Variants in KIZ observed in about 807,000 individuals in gnomAD.
KIZ encodes the protein centrosomal protein kizuna.
In KIZ, 68 loss-of-function variants were observed where a neutral mutation model predicts 79.6. The observed-to-expected ratio is 0.85, with a 90% CI of 0.70 to 1.05. The LOEUF is 1.05. KIZ is among the 50% of genes least tolerant of loss of function. KIZ has a pLI of 0.00. For missense variants in KIZ, 797 were observed against 800.4 expected (o/e 1.00, Z 0.05); for synonymous variants, 280 against 281.8 (o/e 0.99, Z 0.06).
intron 11 of KIZ, among the ~76,000 whole-genome samples, chr20:21,238,352 A>AGTGTGC (rs2037099110): frequency 6.7e-6 from 1 of 149,138 alleles, no homozygotes; most frequent in Non-Finnish European, 1.5e-5. Flanking sequence ...AGAGAGAGAG[A>AGTGTGC]GTGTGTGTGT....
At chr20:21,195,469 C>T (rs1486705355) in intron 6 of KIZ, 1 of 152,336 alleles carries the variant, frequency 6.6e-6, no homozygotes, top group Admixed American at 6.5e-5. Flanking sequence ...CTGCAGCATC[C>T]ACCAGCACCA....
chr20:21,162,075 A>G lies in KIZ; in HGVS notation c.610A>G (p.Thr204Ala). 1 of 1,613,938 alleles carries G rather than the reference A, an allele frequency of 6.2e-7. No individual in the cohort carries two copies. Among genetic ancestry groups the G allele is most frequent in the Non-Finnish European group, 8.5e-7 (1 of 1,179,840 alleles). ...HRQTAQSSNVTDSCVVQTSND... is the reference protein window; with the variant it reads ...HRQTAQSSNVADSCVVQTSND... The stretch of plus-strand genomic sequence containing the variant: ...ACAGACAGCCCAGAGCAGTAATGTG[A>G]CAGACAGCTGTGTAGTACAAACTAG... Residue 204 changes from threonine (T) to alanine (A), a missense_variant, in exon 5 of 13, where the codon ACA becomes GCA. Coordinates refer to ENST00000619189, the MANE Select transcript of KIZ (RefSeq NM_018474.6).
intron 6 of KIZ, among the ~76,000 whole-genome samples, chr20:21,188,198 T>G (rs554238303): frequency 6.6e-6 from 1 of 152,328 alleles, no homozygotes; most frequent in East Asian, 1.9e-4. Flanking sequence ...TAACCTACCC[T>G]GTTTGATTGT....
At chr20:21,173,652 T>C (rs1373326146) in intron 6 of KIZ, among the ~76,000 whole-genome samples, 1 of 142,664 alleles carries the variant, frequency 7.0e-6, no homozygotes, top group African/African-American at 2.6e-5. Flanking sequence ...AGAAAGGGAG[T>C]AGAAGGATGA....
intron 11 of KIZ, 85 bp downstream of exon 11, chr20:21,232,915 T>C: frequency 1.4e-6 from 1 of 714,858 alleles, no homozygotes; most frequent in East Asian, 2.7e-5. Flanking sequence ...CTGCGTATTA[T>C]TTTGTTGTAT....
chr20:21,161,046 T>C (rs1166485204), intron 4 of KIZ: 1 of 152,234 alleles, frequency 6.6e-6, no homozygotes, highest in Non-Finnish European at 1.5e-5. Context: ...TAAAGTGATA[T>C]CTTATTGTGC....
At chr20:21,244,453 C>T in intron 12 of KIZ, 165 bp downstream of exon 12, 1 of 624,586 alleles carries the variant, frequency 1.6e-6, no homozygotes, top group Non-Finnish European at 2.9e-6. Flanking sequence ...CTTCTGGAGG[C>T]TCAGTTCTTC....
intron 1 of KIZ, among the ~76,000 whole-genome samples, chr20:21,127,685 C>T (rs528826560): frequency 5.9e-5 from 9 of 152,312 alleles, no homozygotes; most frequent in African/African-American, 1.9e-4. Context: ...CAAATTAATG[C>T]ACACTGGACA....
rs185393919 is a variant in KIZ at position 21,131,938 on chromosome 20, A to G, written c.90-159A>G. ...TCTGGCATTTTCTGCTTCTTAGACC[A>G]GAGAAGCATTTTCACAAAGGTGTGA... On this transcript the variant is annotated intron_variant, in intron 1 of 12. Coordinates refer to ENST00000619189, the MANE Select transcript of KIZ (RefSeq NM_018474.6). The G allele has an allele frequency of 5.1e-4, 269 of 530,394 alleles. 1 individual carries two copies. Among genetic ancestry groups the G allele is most frequent in the Non-Finnish European group, 7.3e-4 (215 of 295,930 alleles). 32.9% of individuals were successfully genotyped at this position (530,394 alleles called of 1,614,324 possible). A position where few individuals can be genotyped will look rare whatever the true frequency, so the allele number is the denominator to read the frequency against.
intron 11 of KIZ, among the ~76,000 whole-genome samples, chr20:21,235,235 G>T (rs1312972483): frequency 1.3e-5 from 2 of 152,206 alleles, no homozygotes; most frequent in East Asian, 1.9e-4. Context: ...TCATTGTGAT[G>T]GTGGTGGGGT....
intron 3 of KIZ, among the ~76,000 whole-genome samples, chr20:21,141,683 T>G (rs2032538379): frequency 6.6e-6 from 1 of 151,014 alleles, no homozygotes; most frequent in Admixed American, 6.6e-5. Context: ...GGCACAAGAG[T>G]CTTCATCTGG....
In KIZ at chr20:21,162,022, T is replaced by G. The variant is rs757134694; in HGVS notation, c.557T>G (p.Phe186Cys). ...AAATCTCCCCAGCCCACAAAGAACTTTTCAATTCCTGACCCACATTCACAC... is the reference window on the plus strand; with the variant it reads ...AAATCTCCCCAGCCCACAAAGAACTGTTCAATTCCTGACCCACATTCACAC... ...EHKSPQPTKN[F>C]SIPDPHSHRQ... Residue 186 changes from phenylalanine (F) to cysteine (C), a missense_variant, in exon 5 of 13, where the codon TTT becomes TGT. By Grantham distance (205) the Phe-to-Cys change is radical (BLOSUM62 -2). Coordinates refer to ENST00000619189, the MANE Select transcript of KIZ (RefSeq NM_018474.6). 1 of 1,613,970 alleles carries G rather than the reference T, an allele frequency of 6.2e-7. No individual in the cohort carries two copies. The highest frequency in any genetic ancestry group is 1.3e-5 in the African/African-American group (1 of 75,036).
At chr20:21,239,927 T>A (rs1417035256) in intron 11 of KIZ, among the ~76,000 whole-genome samples, 2 of 152,120 alleles carry the variant, frequency 1.3e-5, no homozygotes, top group Non-Finnish European at 2.9e-5. Flanking sequence ...CCAAAATGCA[T>A]CCAAAATAAG....
intron 3 of KIZ, among the ~76,000 whole-genome samples, chr20:21,138,037 G>A (rs1050413066): frequency 6.6e-6 from 1 of 151,750 alleles, no homozygotes; most frequent in Non-Finnish European, 1.5e-5. Flanking sequence ...CTCCCAGAGT[G>A]CTGGAATTAT....
At chr20:21,134,188 A>G (rs2032028877) in intron 2 of KIZ, among the ~76,000 whole-genome samples, 1 of 152,264 alleles carries the variant, frequency 6.6e-6, no homozygotes, top group Middle Eastern at 3.4e-3. Flanking sequence ...CCAGCAGCCC[A>G]CCAGACACGC....
chr20:21,175,068 G>A (rs774021461), intron 6 of KIZ, among the ~76,000 whole-genome samples: 1 of 152,132 alleles, frequency 6.6e-6, no homozygotes, highest in African/African-American at 2.4e-5. Context: ...CTCAATACTG[G>A]TGGCCCCTGA....
chr20:21,185,962 C>T (rs982523052), intron 6 of KIZ, among the ~76,000 whole-genome samples: 2 of 152,120 alleles, frequency 1.3e-5, no homozygotes, highest in Non-Finnish European at 2.9e-5. Flanking sequence ...AAAACTTGGG[C>T]ACCTGCTATA....
chr20:21,129,402 G>T (rs1394535674), intron 1 of KIZ, among the ~76,000 whole-genome samples: 2 of 152,146 alleles, frequency 1.3e-5, no homozygotes, highest in Non-Finnish European at 2.9e-5. Context: ...AAGTGACTGT[G>T]GTCCTTTTTC....
intron 6 of KIZ, among the ~76,000 whole-genome samples, chr20:21,200,367 G>A (rs1419168979): frequency 6.6e-6 from 1 of 151,970 alleles, no homozygotes; most frequent in African/African-American, 2.4e-5. Flanking sequence ...CATGGTTTCA[G>A]GATGATTCAA....
Sources: allele counts gnomAD v4.1 joint callset (sites outside exome capture counted in the v4.1 genomes callset), GRCh38; gene constraint gnomAD v4.1.1; transcripts MANE v1.5; gene names NCBI Gene and HGNC (gene_info 2026-07-23, HGNC 2026-07-21).